The following MEP1A variants were observed in gnomAD, a reference collection of about 807,000 sequenced individuals.
MEP1A encodes N-benzoyl-L-tyrosyl-P-amino-benzoic acid hydrolase subunit alpha.
MEP1A carries 68 observed loss-of-function variants against 84.5 expected under a neutral mutation model. The ratio of observed to expected loss-of-function variants is 0.80; its 90% CI spans 0.66 to 0.98. The LOEUF (loss-of-function observed/expected upper bound fraction) is 0.98. MEP1A is among the 50% of genes least tolerant of loss of function. MEP1A has a pLI of 0.00. For synonymous variants in MEP1A, 337 were observed against 336.8 expected (o/e 1.00, Z -0.01); for missense variants, 887 against 919.9 (o/e 0.96, Z 0.46).
In MEP1A at chr6:46,839,008, AC is replaced by A. The variant is rs780704694; in HGVS notation, c.2114del (p.Thr705ArgfsTer18). On this transcript the variant is annotated frameshift_variant, in exon 14 of 14. Transcript: ENST00000230588. LOFTEE classifies it low-confidence loss of function (END_TRUNC). ...CATCTCTGGACATGCTTTCTTCTAC[AC>A]GGGGGAGCGCTGTCAGGCCGTGCAG... ...RCISGHAFFY[T>X]GERCQAVQVH... The A allele has an allele frequency of 2.5e-6, 4 of 1,613,550 alleles. No homozygotes were observed.
At chr6:46,843,587 A>T (rs1768369489), downstream of MEP1A, among the ~76,000 whole-genome samples, 1 of 152,348 alleles carries the variant, frequency 6.6e-6, no homozygotes, top group South Asian at 2.1e-4. Flanking sequence ...TCTTTCAAAT[A>T]CTAACTAACT....
chr6:46,809,803 T>C (rs967904640), intron 6 of MEP1A, among the ~76,000 whole-genome samples: 1 of 151,010 alleles, frequency 6.6e-6, no homozygotes, highest in African/African-American at 2.5e-5. Flanking sequence ...ATACATGGTG[T>C]GTGTGTGTGT....
intron 7 of MEP1A, among the ~76,000 whole-genome samples, chr6:46,824,736 GTATTTAA>G (rs1562113335): frequency 9.1e-4 from 53 of 58,204 alleles, no homozygotes; most frequent in African/African-American, 6.4e-3. Flanking sequence ...TATAAATTAT[GTATTTAA>G]ATAGATGTAT....
At chr6:46,808,346 T>A (rs1767413064) in intron 5 of MEP1A, among the ~76,000 whole-genome samples, 1 of 152,102 alleles carries the variant, frequency 6.6e-6, no homozygotes, top group Admixed American at 6.6e-5. Flanking sequence ...GATCTTGATA[T>A]GACATTATAT....
At chr6:46,842,216 T>G (rs536487955), downstream of MEP1A, among the ~76,000 whole-genome samples, 1 of 152,190 alleles carries the variant, frequency 6.6e-6, no homozygotes, top group South Asian at 2.1e-4. Context: ...AATAAGAAAA[T>G]CAGTGCACCT....
intron 9 of MEP1A, among the ~76,000 whole-genome samples, chr6:46,828,868 A>G (rs1006894303): frequency 2.8e-4 from 42 of 151,864 alleles, no homozygotes; most frequent in Non-Finnish European, 5.7e-4. Flanking sequence ...GCCACTGATA[A>G]TACACCCAGT....
chr6:46,834,576 A>G lies in MEP1A; in HGVS notation c.1610-2A>G. ...GATTTTATGTTACCTACAACTTTGC[A>G]GCGATAAATGACACTGTCATCTGGG... On this transcript the variant is annotated splice_acceptor_variant, in intron 11 of 13. Transcript: ENST00000230588. LOFTEE classifies it high-confidence loss of function. The G allele has an allele frequency of 6.2e-7, 1 of 1,601,018 alleles. No homozygotes were observed. Among genetic ancestry groups the G allele is most frequent in the Admixed American group, 1.7e-5 (1 of 58,628 alleles).
At chr6:46,823,534 C>A (rs1389486969) in intron 7 of MEP1A, among the ~76,000 whole-genome samples, 1 of 152,164 alleles carries the variant, frequency 6.6e-6, no homozygotes, top group African/African-American at 2.4e-5. Context: ...ATTGTTTGAA[C>A]CCAGGAGGCA....
intron 5 of MEP1A, among the ~76,000 whole-genome samples, chr6:46,806,561 G>A (rs1007653375): frequency 8.6e-5 from 13 of 152,008 alleles, no homozygotes; most frequent in African/African-American, 3.1e-4. Context: ...GCAGTGGGCA[G>A]CAACTGATGT....
chr6:46,815,756 T>G (rs1767620396), intron 6 of MEP1A, among the ~76,000 whole-genome samples: 1 of 151,824 alleles, frequency 6.6e-6, no homozygotes, highest in African/African-American at 2.4e-5. Flanking sequence ...GACCGTGGGG[T>G]TTTGATAATG....
intron 9 of MEP1A, among the ~76,000 whole-genome samples, chr6:46,826,891 T>C (rs992783719): frequency 6.6e-6 from 1 of 152,162 alleles, no homozygotes; most frequent in Non-Finnish European, 1.5e-5. Flanking sequence ...TAATACCTCA[T>C]GAAAAAGTAA....
intron 5 of MEP1A, among the ~76,000 whole-genome samples, chr6:46,800,608 G>A (rs558161928): frequency 6.6e-6 from 1 of 152,326 alleles, no homozygotes; most frequent in Non-Finnish European, 1.5e-5. Flanking sequence ...TAGTGTTAAA[G>A]TTCAGATGCC....
intron 9 of MEP1A, among the ~76,000 whole-genome samples, chr6:46,827,073 A>G (rs1767964636): frequency 6.6e-6 from 1 of 152,234 alleles, no homozygotes; most frequent in Non-Finnish European, 1.5e-5. Context: ...CTCAGTTTGC[A>G]CTGGCCACAA....
chr6:46,834,122 C>T (rs569664275), intron 11 of MEP1A, among the ~76,000 whole-genome samples: 11 of 152,116 alleles, frequency 7.2e-5, no homozygotes, highest in African/African-American at 2.2e-4. Context: ...GGGGTTTCAC[C>T]GTGTTGCCCA....
In MEP1A at chr6:46,809,036, T is replaced by C. The variant is rs191220830; in HGVS notation, c.263-384T>C. Among the ~76,000 whole-genome samples, 177 of 152,176 alleles carry C rather than the reference T, an allele frequency of 1.2e-3. 1 individual carries two copies. Among genetic ancestry groups the C allele is most frequent in the African/African-American group, 3.9e-3 (160 of 41,554 alleles). On this transcript the variant is annotated intron_variant, in intron 5 of 13. Transcript: ENST00000230588. ...AAGCCAGAGCTACTCACAAGCCACT[T>C]CTGTTTTCTGTTCTGCCATGTGACT... is the stretch of plus-strand genomic sequence containing the variant.
At chr6:46,814,011 C>T (rs1202303408) in intron 6 of MEP1A, among the ~76,000 whole-genome samples, 1 of 152,094 alleles carries the variant, frequency 6.6e-6, no homozygotes. Flanking sequence ...TTTGAGATAA[C>T]CTGATGACTG....
rs1020154644 is a variant in MEP1A, at chr6:46,798,467, TG to T, written c.146-138del. On this transcript the variant is annotated intron_variant, in intron 3 of 13. Coordinates refer to ENST00000230588, the MANE Select transcript of MEP1A (RefSeq NM_005588.3). Reference sequence around the variant, plus strand: ...TTCACATTTGCTTAACTGGAATTTTTGCATTGTTTCAAAAAGTTTTGCCACA... The same window carrying T: ...TTCACATTTGCTTAACTGGAATTTTTCATTGTTTCAAAAAGTTTTGCCACA... The T allele has an allele frequency of 7.2e-6, 5 of 695,292 alleles. No individual in the cohort carries two copies. The African/African-American group carries it at 8.9e-5, about 12-fold the overall frequency. 43.1% of individuals were successfully genotyped at this position (695,292 alleles called of 1,614,324 possible). A position where few individuals can be genotyped will look rare whatever the true frequency, so the allele number is the denominator to read the frequency against.
At chr6:46,831,928 T>C (rs1331124405) in intron 10 of MEP1A, among the ~76,000 whole-genome samples, 2 of 152,162 alleles carry the variant, frequency 1.3e-5, no homozygotes, top group African/African-American at 4.8e-5. Context: ...CCATGTAACC[T>C]ACCTCTCTCC....
At chr6:46,796,321 T>C (rs1487437100) in intron 3 of MEP1A, among the ~76,000 whole-genome samples, 2 of 152,144 alleles carry the variant, frequency 1.3e-5, no homozygotes, top group Non-Finnish European at 2.9e-5. Flanking sequence ...TGGTGTTGCC[T>C]CTACCTCCCC....
Sources: allele counts gnomAD v4.1 joint callset (sites outside exome capture counted in the v4.1 genomes callset), GRCh38; gene constraint gnomAD v4.1.1; transcripts MANE v1.5; gene names NCBI Gene and HGNC (gene_info 2026-07-23, HGNC 2026-07-21).